The following RTL9 variants were observed in gnomAD, a reference collection of about 807,000 sequenced individuals.
The protein encoded by RTL9 is retrotransposon Gag-like protein 9.
Under a neutral mutation model 44.7 loss-of-function variants are expected in RTL9, and 19 were observed. The ratio of observed to expected loss-of-function variants is 0.42; its 90% confidence interval spans 0.30 to 0.62. The LOEUF (loss-of-function observed/expected upper bound fraction) is 0.62. RTL9 is among the 20% of genes least tolerant of loss of function. The probability of loss-of-function intolerance (pLI) is 0.16; values close to 1 mark genes in which losing one functional copy is unlikely to be tolerated. For missense variants in RTL9, 1,105 were observed against 1,080.6 expected (o/e 1.02, Z -0.32); for synonymous variants, 407 against 398.9 (o/e 1.02, Z -0.24).
At chrX:110,391,157 T>C (rs768828387) in intron 1 of RTL9, among the ~76,000 whole-genome samples, 42 of 111,959 alleles carry the variant, frequency 3.8e-4, no homozygotes, top group Non-Finnish European at 6.8e-4. Context: ...GCTTGTCTAC[T>C]GAGCTTTTTT....
chrX:110,413,690 C>T (rs1464117760), intron 1 of RTL9, among the ~76,000 whole-genome samples: 1 of 110,335 alleles, frequency 9.1e-6, no homozygotes, highest in Non-Finnish European at 1.9e-5. Context: ...CTACCATCTA[C>T]ACCTTGCTGG....
In RTL9 at chrX:110,405,098, C is replaced by T. The variant is rs192380695; in HGVS notation, c.-167-40055C>T. ...GGTGTGCTTGTTGTGTCCCCCCCCC[C>T]CCCAAGCATGAGTCAGAGCCTTTCA... On this transcript the variant is annotated intron_variant, in intron 1 of 2. Coordinates refer to the RTL9 transcript ENST00000520821. 1.8e-4 allele frequency among the ~76,000 whole-genome samples: 18 copies of T among 101,673 alleles called. No homozygotes were observed. In the East Asian group the frequency reaches 3.2e-3, roughly 18 times the overall value. 88.3% of individuals were successfully genotyped at this position (101,673 alleles called of 115,157 possible).
exon 1 of RTL9, chrX:110,452,228 C>T (rs2068947523): frequency 1.7e-6 from 2 of 1,211,781 alleles, no homozygotes; most frequent in Non-Finnish European, 2.2e-6. Context: ...GATCAATGTC[C>T]ATGCTGCAAA....
chrX:110,385,040 A>C (rs2068445616), intron 1 of RTL9, among the ~76,000 whole-genome samples: 1 of 111,158 alleles, frequency 9.0e-6, no homozygotes, highest in Non-Finnish European at 1.9e-5. Flanking sequence ...AAAAATAACA[A>C]GTGTTGACTA....
chrX:110,405,951 T>C (rs1243585617), intron 1 of RTL9, among the ~76,000 whole-genome samples: 1 of 111,799 alleles, frequency 8.9e-6, no homozygotes, highest in East Asian at 2.8e-4. Flanking sequence ...CTTAATTTTA[T>C]GAGACTGTAA....
At chrX:110,404,696 G>A (rs2068586545) in intron 1 of RTL9, among the ~76,000 whole-genome samples, 2 of 111,407 alleles carry the variant, frequency 1.8e-5, no homozygotes, top group South Asian at 7.7e-4. Context: ...CTCTCATAAG[G>A]TTGCTAAAGG....
chrX:110,407,561 G>A (rs1017932222), intron 1 of RTL9, among the ~76,000 whole-genome samples: 4 of 112,329 alleles, frequency 3.6e-5, no homozygotes, highest in Non-Finnish European at 5.6e-5. Context: ...TTTTCCAGGT[G>A]AGCAAACTGC....
At chrX:110,451,845 G>A (rs191731262) in exon 1 of RTL9, 5 of 1,210,368 alleles carry the variant, frequency 4.1e-6, no homozygotes, top group Non-Finnish European at 5.6e-6. Context: ...AGATTCTGGA[G>A]CAATGTCCAC....
At chrX:110,367,022 A>C (rs1349528821) in intron 1 of RTL9, among the ~76,000 whole-genome samples, 1 of 111,546 alleles carries the variant, frequency 9.0e-6, no homozygotes, top group Admixed American at 9.5e-5. Flanking sequence ...CCACCAATCT[A>C]TTTGTATTTG....
At chrX:110,367,781 C>A (rs1458441321) in intron 1 of RTL9, among the ~76,000 whole-genome samples, 6 of 110,169 alleles carry the variant, frequency 5.4e-5, no homozygotes, top group African/African-American at 2.0e-4. Context: ...CAGATCCTAT[C>A]TATCAGCAAT....
exon 1 of RTL9, chrX:110,451,782 C>T: frequency 8.3e-7 from 1 of 1,211,575 alleles, no homozygotes; most frequent in South Asian, 1.8e-5. Context: ...GTCTAATCCG[C>T]CAGTGAGAGC....
At chrX:110,444,094 G>A (rs1195683661) in intron 1 of RTL9, among the ~76,000 whole-genome samples, 1 of 112,345 alleles carries the variant, frequency 8.9e-6, no homozygotes, top group Non-Finnish European at 1.9e-5. Flanking sequence ...AGTTTGCTTG[G>A]AGAGTCTCAA....
chrX:110,427,181 C>G (rs1362417330), intron 1 of RTL9, among the ~76,000 whole-genome samples: 1 of 112,159 alleles, frequency 8.9e-6, no homozygotes, highest in Admixed American at 9.4e-5. Flanking sequence ...ACAATACCTT[C>G]TGGTTTTCTC....
intron 1 of RTL9, among the ~76,000 whole-genome samples, chrX:110,409,158 C>T (rs193121867): frequency 1.2e-3 from 129 of 110,269 alleles, no homozygotes; most frequent in African/African-American, 4.0e-3. Context: ...TCAGCATAGT[C>T]GGGGTATATA....
intron 1 of RTL9, among the ~76,000 whole-genome samples, chrX:110,400,103 A>G (rs951644615): frequency 9.1e-6 from 1 of 109,683 alleles, no homozygotes; most frequent in Non-Finnish European, 1.9e-5. Flanking sequence ...CCTCCCTGAC[A>G]TTCTACTGAA....
At chrX:110,387,328 T>A (rs1162685217) in intron 1 of RTL9, among the ~76,000 whole-genome samples, 1 of 112,177 alleles carries the variant, frequency 8.9e-6, no homozygotes, top group East Asian at 2.8e-4. Context: ...CACGTTTGGT[T>A]TGGTCCAATT....
upstream of RTL9, among the ~76,000 whole-genome samples, chrX:110,416,354 T>C (rs2068677507): frequency 8.9e-6 from 1 of 112,495 alleles, no homozygotes; most frequent in Non-Finnish European, 1.9e-5. Context: ...CGTTGTTTAA[T>C]GTTTACCATG....
chrX:110,383,579 T>G (rs1173340536), intron 1 of RTL9, among the ~76,000 whole-genome samples: 1 of 111,555 alleles, frequency 9.0e-6, no homozygotes, highest in Non-Finnish European at 1.9e-5. Context: ...CCAGTCATAC[T>G]GAACTTTCCA....
intron 1 of RTL9, among the ~76,000 whole-genome samples, chrX:110,360,483 A>G (rs761969550): frequency 9.0e-6 from 1 of 111,598 alleles, no homozygotes; most frequent in Non-Finnish European, 1.9e-5. Context: ...CTAGATTGAT[A>G]GTAATAGAGA....
Sources: gnomAD v4.1 joint callset for allele counts (sites outside exome capture counted in the v4.1 genomes callset) on GRCh38, gnomAD v4.1.1 for gene constraint, MANE v1.5 for transcripts, NCBI Gene and HGNC (gene_info 2026-07-23, HGNC 2026-07-21) for gene names.